PRELID2: variants seen among roughly 807,000 people sequenced by gnomAD.
PRELID2 encodes the protein PRELI domain-containing protein 2.
In PRELID2, 25 loss-of-function variants were observed where a neutral mutation model predicts 28.4. The observed-to-expected ratio is 0.88, with a 90% confidence interval of 0.64 to 1.23. PRELID2 has a LOEUF of 1.23. Ranked by LOEUF, PRELID2 falls within the 50% of genes most tolerant of loss-of-function variation. The pLI, the probability that PRELID2 is intolerant of heterozygous loss-of-function variation, is 0.00. For synonymous variants in PRELID2, 76 were observed against 71.6 expected, an observed-to-expected ratio of 1.06 and a Z score of -0.31; for missense variants, 201 against 214.4, an observed-to-expected ratio of 0.94 and a Z score of 0.39.
intron 1 of PRELID2, chr5:145,728,603 A>G: frequency 1.0e-6 from 1 of 986,282 alleles, no homozygotes; most frequent in South Asian, 1.3e-5. Flanking sequence ...TTAGCAAAAC[A>G]ATGACCACTG....
the PRELID2 span, among the ~76,000 whole-genome samples, chr5:145,361,973 A>G: frequency 6.6e-6 from 1 of 152,138 alleles, no homozygotes; most frequent in African/African-American, 2.4e-5. Context: ...CAGACACCTT[A>G]TAGCTCTTCT....
At chr5:145,819,145 T>C (rs1352701072) in intron 3 of PRELID2, among the ~76,000 whole-genome samples, 2 of 152,228 alleles carry the variant, frequency 1.3e-5, no homozygotes, top group Non-Finnish European at 2.9e-5. Flanking sequence ...TGTGAGTCCA[T>C]TAAAACTCTT....
chr5:145,825,738 T>C (rs1289275505), intron 1 of PRELID2, among the ~76,000 whole-genome samples: 1 of 152,160 alleles, frequency 6.6e-6, no homozygotes, highest in Non-Finnish European at 1.5e-5. Context: ...GAGCCTCAAG[T>C]TTCCATAGAA....
chr5:145,448,867 A>T, the PRELID2 span, among the ~76,000 whole-genome samples: 1 of 152,134 alleles, frequency 6.6e-6, no homozygotes, highest in Non-Finnish European at 1.5e-5. Flanking sequence ...CATCATTCTA[A>T]CTCTGGCTAC....
chr5:145,301,436 A>G, the PRELID2 span, among the ~76,000 whole-genome samples: 1 of 152,084 alleles, frequency 6.6e-6, no homozygotes, highest in Admixed American at 6.6e-5. Flanking sequence ...TAACATGGAT[A>G]TTTTCTGCAA....
At chr5:145,373,384 T>A in the PRELID2 span, among the ~76,000 whole-genome samples, 1 of 83,128 alleles carries the variant, frequency 1.2e-5, no homozygotes, top group Non-Finnish European at 2.2e-5. Flanking sequence ...TTACAACATA[T>A]ATAATATATA....
chr5:145,412,663 C>T, the PRELID2 span, among the ~76,000 whole-genome samples: 1 of 152,206 alleles, frequency 6.6e-6, no homozygotes, highest in East Asian at 1.9e-4. Context: ...AGTTCTAAAA[C>T]TGTTTACACA....
At chr5:145,594,457 T>C (rs2149633251) in intron 1 of PRELID2, among the ~76,000 whole-genome samples, 1 of 152,196 alleles carries the variant, frequency 6.6e-6, no homozygotes, top group East Asian at 1.9e-4. Context: ...CTGATCTTCC[T>C]GACTTTCATC....
chr5:145,562,101 T>C (rs1580978302), intron 1 of PRELID2, among the ~76,000 whole-genome samples: 1 of 152,226 alleles, frequency 6.6e-6, no homozygotes, highest in African/African-American at 2.4e-5. Flanking sequence ...TTTAAAGTCA[T>C]GCATTTCAGG....
At chr5:145,734,179 G>A (rs1187700029) in intron 1 of PRELID2, among the ~76,000 whole-genome samples, 1 of 152,096 alleles carries the variant, frequency 6.6e-6, no homozygotes, top group Non-Finnish European at 1.5e-5. Context: ...GCAGTGGCAT[G>A]ATCATAACTC....
At chr5:145,532,268 T>C (rs1007930763) in intron 1 of PRELID2, among the ~76,000 whole-genome samples, 8 of 152,256 alleles carry the variant, frequency 5.3e-5, no homozygotes, top group Non-Finnish European at 1.0e-4. Context: ...TACTTACTCA[T>C]AGGGCTTGGA....
chr5:145,295,794 T>A, the PRELID2 span, among the ~76,000 whole-genome samples: 1 of 152,160 alleles, frequency 6.6e-6, no homozygotes, highest in African/African-American at 2.4e-5. Flanking sequence ...CTACATGTAT[T>A]TATTAAGAAA....
At chr5:145,338,690 C>A in the PRELID2 span, among the ~76,000 whole-genome samples, 1 of 152,172 alleles carries the variant, frequency 6.6e-6, no homozygotes, top group Non-Finnish European at 1.5e-5. Flanking sequence ...TACTCTGTGA[C>A]AGTTTCAATT....
chr5:145,500,928 G>A (rs1039740290), intron 1 of PRELID2, among the ~76,000 whole-genome samples: 2 of 152,138 alleles, frequency 1.3e-5, no homozygotes, highest in African/African-American at 2.4e-5. Flanking sequence ...GGGTGACCAA[G>A]CATAGATCAT....
chr5:145,275,856 T>A, the PRELID2 span, among the ~76,000 whole-genome samples: 1 of 152,164 alleles, frequency 6.6e-6, no homozygotes, highest in Non-Finnish European at 1.5e-5. Context: ...GTGAGTTACT[T>A]AATCTCTCTG....
chr5:145,711,257 A>C (rs1381656250), intron 1 of PRELID2, among the ~76,000 whole-genome samples: 1 of 152,182 alleles, frequency 6.6e-6, no homozygotes, highest in South Asian at 2.1e-4. Flanking sequence ...ATTCTAACAA[A>C]AAGAATAGGA....
rs140829981 is a variant in PRELID2 at position 145,683,200 on chromosome 5, G to C, written n.70+81731C>G. On this transcript the variant is annotated intron_variant and non_coding_transcript_variant, in intron 1 of 2. Coordinates refer to the PRELID2 transcript ENST00000510259. ...TACTAGCTCTGTGACTTTGACTTTA[G>C]GTAAGTCATTTTCTTCTTCAAGCCT... 2.4e-3 allele frequency among the ~76,000 whole-genome samples: 364 copies of C among 152,186 alleles called. 4 individuals are homozygous for C. The highest frequency in any genetic ancestry group is 8.2e-3 in the African/African-American group (341 of 41,502).
At chr5:145,775,783 T>C (rs1306198988) in intron 5 of PRELID2, among the ~76,000 whole-genome samples, 2 of 152,156 alleles carry the variant, frequency 1.3e-5, no homozygotes, top group South Asian at 2.1e-4. Flanking sequence ...AAAAGCAACA[T>C]AAATATGATA....
chr5:145,655,627 C>G (rs549174513), intron 1 of PRELID2, among the ~76,000 whole-genome samples: 1 of 152,262 alleles, frequency 6.6e-6, no homozygotes, highest in South Asian at 2.1e-4. Flanking sequence ...TTTGACAAAC[C>G]TGACACAAAC....
Sources: gnomAD v4.1 joint callset for allele counts (sites outside exome capture counted in the v4.1 genomes callset) on GRCh38, gnomAD v4.1.1 for gene constraint, MANE v1.5 for transcripts, NCBI Gene and HGNC (gene_info 2026-07-23, HGNC 2026-07-21) for gene names.